The following GCNT4 variants were observed in gnomAD, a reference collection of about 807,000 sequenced individuals.
GCNT4 encodes glucosaminyl (N-acetyl) transferase 4, also known as beta-1,3-galactosyl-O-glycosyl-glycoprotein beta-1,6-N-acetylglucosaminyltransferase 4.
In GCNT4, 17 loss-of-function variants were observed where a neutral mutation model predicts 31.3. That is an observed-to-expected ratio of 0.54 (90% CI 0.37 to 0.81). The LOEUF is 0.81. GCNT4 is among the 40% of genes least tolerant of loss of function. The pLI is 0.00. For missense variants in GCNT4, 503 were observed against 525.5 expected (o/e 0.96, Z 0.42); for synonymous variants, 158 against 190.6 (o/e 0.83, Z 1.41).
chr5:75,029,996 CT>C lies in GCNT4; in HGVS notation c.41del (p.Gln14ArgfsTer8), dbSNP rs1446205478. The C allele has an allele frequency of 1.9e-6, 3 of 1,611,230 alleles. No individual in the cohort carries two copies. Among genetic ancestry groups the C allele is most frequent in the Non-Finnish European group, 2.5e-6 (3 of 1,179,244 alleles). On this transcript the variant is annotated frameshift_variant, in exon 4 of 4. Transcript: ENST00000652361. LOFTEE classifies it high-confidence loss of function. ...GGGTTAAAAACAGGATGAAAACTTT[CT>C]GCTGTAGGGTATGTTTAAAATAACA... ...FKCYFKHTLQ[Q>X]KVFILFLTLW...
At chr5:75,041,636 C>A (rs1167871727) in intron 3 of GCNT4, among the ~76,000 whole-genome samples, 1 of 152,090 alleles carries the variant, frequency 6.6e-6, no homozygotes, top group African/African-American at 2.4e-5. Flanking sequence ...ATGTACATAC[C>A]CACGCATAGA....
rs893999025 is a variant in GCNT4 at position 75,027,695 on chromosome 5, C to T, written c.*981G>A. Reference sequence around the variant, plus strand: ...ATTTAGAAAGCTGTCATATTTCACACAACCTTTTGAAGAAAGTTTAGTGAC... The same window carrying T: ...ATTTAGAAAGCTGTCATATTTCACATAACCTTTTGAAGAAAGTTTAGTGAC... On this transcript the variant is annotated 3_prime_UTR_variant, in exon 4 of 4. Coordinates refer to ENST00000652361, the MANE Select transcript of GCNT4 (RefSeq NM_001366737.1). 2 of 152,358 alleles carry T rather than the reference C, an allele frequency of 1.3e-5. No individual in the cohort carries two copies. The highest frequency in any genetic ancestry group is 4.8e-5 in the African/African-American group (2 of 41,362). 9.4% of individuals were successfully genotyped at this position (152,358 alleles called of 1,614,324 possible). A position where few individuals can be genotyped will look rare whatever the true frequency, so the allele number is the denominator to read the frequency against.
At position 75,028,612 on chromosome 5, in the gene GCNT4, G is replaced by A. The variant is rs3811986; in HGVS notation, c.*64C>T. The A allele has an allele frequency of 0.29, 412,902 of 1,408,876 alleles. 67,733 individuals carry two copies. Among genetic ancestry groups the A allele is most frequent in the African/African-American group, 0.69 (47,709 of 69,382 alleles). 87.3% of individuals were successfully genotyped at this position (1,408,876 alleles called of 1,614,324 possible). On this transcript the variant is annotated 3_prime_UTR_variant, in exon 4 of 4. Coordinates refer to ENST00000652361, the MANE Select transcript of GCNT4 (RefSeq NM_001366737.1). ...GTTTAAACAGTATTGGGCATAGTAT[G>A]GTATTCAATTCCACACTGACTCCAT...
rs1315729177 is a variant in GCNT4, at chr5:75,032,702, ATC to A, written c.-1-2666_-1-2665del. On this transcript the variant is annotated intron_variant, in intron 3 of 3. Coordinates refer to ENST00000652361, the MANE Select transcript of GCNT4 (RefSeq NM_001366737.1). ...TCCAAAGCACACTGAACAGGGTCCC[ATC>A]ACTCAGGCTCAAGGCCAGGGTTCTT... Among the ~76,000 whole-genome samples, 3 of 152,282 alleles carry A rather than the reference ATC, an allele frequency of 2.0e-5. No individual in the cohort carries two copies. In the East Asian group the frequency reaches 5.8e-4, roughly 29 times the overall value.
At chr5:75,035,999 G>A (rs1273639041) in intron 3 of GCNT4, among the ~76,000 whole-genome samples, 1 of 152,098 alleles carries the variant, frequency 6.6e-6, no homozygotes, top group Non-Finnish European at 1.5e-5. Context: ...CTCAGTATAT[G>A]CAGAGGATTC....
upstream of GCNT4, among the ~76,000 whole-genome samples, chr5:75,053,091 G>A (rs1178360575): frequency 6.6e-6 from 1 of 151,938 alleles, no homozygotes; most frequent in African/African-American, 2.4e-5. Flanking sequence ...CCGTTATCCA[G>A]GACACGCTCC....
chr5:75,027,984 T>TTTTTTTTTTTTTGAGACGG lies in GCNT4; in HGVS notation c.*691_*692insCCGTCTCAAAAAAAAAAAA, dbSNP rs1561372309. 6.6e-6 allele frequency: 1 copy of TTTTTTTTTTTTTGAGACGG among 152,004 alleles called. No homozygotes were observed. The highest frequency in any genetic ancestry group is 2.4e-5 in the African/African-American group (1 of 40,874). 9.4% of individuals were successfully genotyped at this position (152,004 alleles called of 1,614,324 possible). A position where few individuals can be genotyped will look rare whatever the true frequency, so the allele number is the denominator to read the frequency against. Reference sequence around the variant, plus strand: ...TTGTATAAATCCCTTCGCTCCTCTTTAGGTACTACCTGTCCCAACCCACAT... The same window carrying TTTTTTTTTTTTTGAGACGG: ...TTGTATAAATCCCTTCGCTCCTCTTTTTTTTTTTTTTTGAGACGGAGGTACTACCTGTCCCAACCCACAT... On this transcript the variant is annotated 3_prime_UTR_variant, in exon 4 of 4. Transcript: ENST00000652361.
At chr5:75,050,490 C>T (rs764214010) in intron 2 of GCNT4, among the ~76,000 whole-genome samples, 1 of 152,054 alleles carries the variant, frequency 6.6e-6, no homozygotes, top group Non-Finnish European at 1.5e-5. Flanking sequence ...ACCGCCTCGC[C>T]CCACCCCATC....
At chr5:75,020,472 TG>T (rs1159042619), downstream of GCNT4, among the ~76,000 whole-genome samples, 1 of 152,026 alleles carries the variant, frequency 6.6e-6, no homozygotes, top group Non-Finnish European at 1.5e-5. Context: ...GCTGCAAGCA[TG>T]GGAGTGGCAG....
intron 3 of GCNT4, among the ~76,000 whole-genome samples, chr5:75,035,226 A>G (rs913501231): frequency 8.5e-5 from 13 of 152,266 alleles, no homozygotes; most frequent in African/African-American, 1.9e-4. Flanking sequence ...AATGGCTACA[A>G]CCATTAGCAG....
At chr5:75,034,913 G>A (rs1404558385) in intron 3 of GCNT4, among the ~76,000 whole-genome samples, 7 of 151,846 alleles carry the variant, frequency 4.6e-5, no homozygotes, top group African/African-American at 7.3e-5. Context: ...CCAGCTAAGC[G>A]GACACGACCG....
rs768357590 is a variant in GCNT4 at position 75,029,367 on chromosome 5, AT to A, written c.670del (p.Ile224SerfsTer10). The A allele has an allele frequency of 1.5e-5, 24 of 1,614,052 alleles. No individual in the cohort carries two copies. The highest frequency in any genetic ancestry group is 1.9e-5 in the Non-Finnish European group (23 of 1,180,026). On this transcript the variant is annotated frameshift_variant, in exon 4 of 4. Transcript: ENST00000652361. LOFTEE classifies it high-confidence loss of function. ...GGGAAAATCTTGCCCACACAAGTTGATAACATATTTCCACTGGATTGAAGAC... is the reference window on the plus strand; with the variant it reads ...GGGAAAATCTTGCCCACACAAGTTGAAACATATTTCCACTGGATTGAAGAC... ...LKSSIQWKYVINLCGQDFPLK... is the reference protein window; with the variant it reads ...LKSSIQWKYVXNLCGQDFPLK...
downstream of GCNT4, among the ~76,000 whole-genome samples, chr5:75,022,013 C>T (rs1321892824): frequency 6.6e-6 from 1 of 152,172 alleles, no homozygotes; most frequent in Non-Finnish European, 1.5e-5. Context: ...TACACCTGCA[C>T]CACTTTGTAT....
chr5:75,034,677 T>G (rs1743157021), intron 3 of GCNT4, among the ~76,000 whole-genome samples: 1 of 152,232 alleles, frequency 6.6e-6, no homozygotes. Context: ...TATTGCCACA[T>G]AGGCACAAGT....
At chr5:75,037,548 T>G (rs988081004) in intron 3 of GCNT4, among the ~76,000 whole-genome samples, 1 of 152,042 alleles carries the variant, frequency 6.6e-6, no homozygotes, top group Non-Finnish European at 1.5e-5. Context: ...AAGGAAAAGA[T>G]TTTCTATTCT....
Position 75,026,670 on chromosome 5 carries a change from A to C in GCNT4, c.*2006T>G, listed in dbSNP as rs78892426. The C allele has an allele frequency of 6.7e-6, 1 of 149,422 alleles. No homozygotes were observed. Among genetic ancestry groups the C allele is most frequent in the East Asian group, 1.9e-4 (1 of 5,194 alleles). The allele number at this position is 149,422 out of a possible 1,614,324, so 9.3% of individuals were successfully genotyped here. On this transcript the variant is annotated 3_prime_UTR_variant, in exon 4 of 4. Coordinates refer to ENST00000652361, the MANE Select transcript of GCNT4 (RefSeq NM_001366737.1). ...CACAAAAAAAAAAAAAAAAAAAAAA[A>C]AACACTTGTGTGGAAGCAAGGATAG...
At chr5:75,048,354 T>G (rs941688660) in intron 2 of GCNT4, among the ~76,000 whole-genome samples, 5 of 152,056 alleles carry the variant, frequency 3.3e-5, no homozygotes, top group African/African-American at 4.8e-5. Context: ...CAGAGAGAAG[T>G]ACAAAACTAA....
At chr5:75,047,876 T>C (rs1440233593) in intron 3 of GCNT4, 21 bp downstream of exon 3, 2 of 152,258 alleles carry the variant, frequency 1.3e-5, no homozygotes, top group South Asian at 2.1e-4. Flanking sequence ...TTAATCTGAC[T>C]ATAAATAAAC....
In GCNT4 at chr5:75,028,788, T is replaced by C; in HGVS notation, c.1250A>G (p.Asp417Gly). Residue 417 changes from aspartate to glycine, a missense_variant, in exon 4 of 4, where the codon GAC (aspartate) becomes GGC (glycine). Transcript: ENST00000652361. The part of the protein sequence containing the change: ...WFANKFDSKV[D>G]PILIKCLAEK... ...TGCCAAGCATTTAATCAAGATAGGG[T>C]CCACCTTAGAATCAAATTTATTAGC... The C allele has an allele frequency of 5.6e-6, 9 of 1,614,040 alleles. No homozygotes were observed. The highest frequency in any genetic ancestry group is 1.1e-5 in the South Asian group (1 of 91,080).
Sources: gnomAD v4.1 joint callset for allele counts (sites outside exome capture counted in the v4.1 genomes callset) on GRCh38, gnomAD v4.1.1 for gene constraint, MANE v1.5 for transcripts, NCBI Gene and HGNC (gene_info 2026-07-23, HGNC 2026-07-21) for gene names.